HIVEP3: variants seen among roughly 807,000 people sequenced by gnomAD.
HIVEP3 encodes the protein HIVEP zinc finger 3.
HIVEP3 carries 49 observed loss-of-function variants against 152.8 expected under a neutral mutation model. That is an observed-to-expected ratio of 0.32 (90% CI 0.26 to 0.41). HIVEP3 has a LOEUF of 0.41. Ranked by LOEUF, HIVEP3 falls within the 10% of genes least tolerant of loss-of-function variation. The pLI is 1.00. For synonymous variants in HIVEP3, 1,269 were observed against 1,289.0 expected, an observed-to-expected ratio of 0.98 and a Z score of 0.33; for missense variants, 2,790 against 3,103.3, an observed-to-expected ratio of 0.90 and a Z score of 2.40.
At chr1:41,593,547 T>C (rs975078393) in intron 3 of HIVEP3, among the ~76,000 whole-genome samples, 1 of 152,208 alleles carries the variant, frequency 6.6e-6, no homozygotes, top group Non-Finnish European at 1.5e-5. Flanking sequence ...GAATACTTGA[T>C]TAAAGGGGAT....
chr1:41,689,524 C>T (rs1646164013), intron 2 of HIVEP3, among the ~76,000 whole-genome samples: 1 of 152,124 alleles, frequency 6.6e-6, no homozygotes, highest in Non-Finnish European at 1.5e-5. Context: ...GAGAGAGTCC[C>T]TGGGAGGAAA....
At chr1:41,639,240 G>T (rs984553450) in intron 2 of HIVEP3, among the ~76,000 whole-genome samples, 1 of 152,216 alleles carries the variant, frequency 6.6e-6, no homozygotes, top group African/African-American at 2.4e-5. Context: ...AATAATCCTG[G>T]TGGTTCATGC....
intron 2 of HIVEP3, among the ~76,000 whole-genome samples, chr1:41,676,752 C>A (rs1433432986): frequency 1.3e-5 from 2 of 152,200 alleles, no homozygotes; most frequent in Non-Finnish European, 2.9e-5. Context: ...AGGAGGCCAC[C>A]ATCCTGGCCA....
intron 1 of HIVEP3, among the ~76,000 whole-genome samples, chr1:42,023,100 G>A (rs777000998): frequency 1.3e-4 from 20 of 152,078 alleles, no homozygotes; most frequent in African/African-American, 2.7e-4. Flanking sequence ...TCCACCTCCC[G>A]GGTTCAAGTG....
chr1:41,888,280 C>G (rs1219654845), intron 1 of HIVEP3, among the ~76,000 whole-genome samples: 4 of 145,924 alleles, frequency 2.7e-5, no homozygotes, highest in Non-Finnish European at 6.0e-5. Flanking sequence ...TCTCAATCTC[C>G]TGACTTCGTA....
chr1:41,982,140 G>T (rs559831100), intron 1 of HIVEP3, among the ~76,000 whole-genome samples: 52 of 152,250 alleles, frequency 3.4e-4, no homozygotes, highest in Middle Eastern at 3.4e-3. Flanking sequence ...TGTTTGCTTG[G>T]TTTTAATTAA....
intron 1 of HIVEP3, among the ~76,000 whole-genome samples, chr1:41,888,677 T>C (rs1028710709): frequency 6.7e-6 from 1 of 150,206 alleles, no homozygotes; most frequent in Non-Finnish European, 1.5e-5. Flanking sequence ...ACATACCTCA[T>C]GTACCCCCCA....
intron 1 of HIVEP3, among the ~76,000 whole-genome samples, chr1:41,734,409 G>A (rs896401806): frequency 6.6e-6 from 1 of 152,194 alleles, no homozygotes; most frequent in Non-Finnish European, 1.5e-5. Flanking sequence ...TACATTCAGT[G>A]ACTGGACTAA....
rs72509109 is a variant in HIVEP3, at chr1:41,562,601, TTCTCTCTCTCTCTC to T, written c.5207+12929_5207+12942del. Among the ~76,000 whole-genome samples, 4 of 126,254 alleles carry T rather than the reference TTCTCTCTCTCTCTC, an allele frequency of 3.2e-5. No individual in the cohort carries two copies. In the South Asian group the frequency reaches 1.1e-3, roughly 36 times the overall value. 82.8% of individuals were successfully genotyped at this position (126,254 alleles called of 152,430 possible). A position where few individuals can be genotyped will look rare whatever the true frequency, so the allele number is the denominator to read the frequency against. ...TTCCTTCCTTCCTTCCTTCCTTTCT[TTCTCTCTCTCTCTC>T]TCTCTCTCTCTCTCTCTCCCTCTCT... On this transcript the variant is annotated intron_variant, in intron 5 of 8. Transcript: ENST00000372583.
chr1:41,842,026 G>A (rs1482641142), intron 1 of HIVEP3, among the ~76,000 whole-genome samples: 2 of 152,064 alleles, frequency 1.3e-5, no homozygotes, highest in Non-Finnish European at 2.9e-5. Context: ...CCAAGAGGTG[G>A]AGGTTGCAGT....
Position 41,918,107 on chromosome 1 carries a change from C to CCCGCCGCCGCCG in HIVEP3, c.-801+294_-801+305dup, listed in dbSNP as rs61551837. On this transcript the variant is annotated intron_variant, in intron 1 of 8. Coordinates refer to ENST00000372583, the MANE Select transcript of HIVEP3 (RefSeq NM_024503.5). This position sits in a 1 kb window ranked among gnomAD's most constrained non-coding sequence, Gnocchi z 4.3. ...CGCACGGCGCGCATAGGGTTACAGC[C>CCCGCCGCCGCCG]CCGCCGCCGCCGCCGCCGCCGCCGC... 1.5e-4 allele frequency among the ~76,000 whole-genome samples: 22 copies of CCCGCCGCCGCCG among 151,714 alleles called. No individual in the cohort carries two copies. Among genetic ancestry groups the CCCGCCGCCGCCG allele is most frequent in the Admixed American group, 7.2e-4 (11 of 15,244 alleles).
intron 1 of HIVEP3, among the ~76,000 whole-genome samples, chr1:41,959,072 G>A (rs1368803140): frequency 6.6e-6 from 1 of 152,172 alleles, no homozygotes; most frequent in Admixed American, 6.5e-5. Flanking sequence ...CTCATGAATG[G>A]AGCAGCCATG....
chr1:41,803,805 G>A (rs1006817233), intron 1 of HIVEP3, among the ~76,000 whole-genome samples: 2 of 152,212 alleles, frequency 1.3e-5, no homozygotes, highest in African/African-American at 2.4e-5. Context: ...CTTGTTGAGG[G>A]ATCACGGGGA....
chr1:41,544,625 C>A (rs1357995101), intron 5 of HIVEP3, among the ~76,000 whole-genome samples: 1 of 148,410 alleles, frequency 6.7e-6, no homozygotes. Flanking sequence ...CCACCACTAT[C>A]ATCGCTACTA....
chr1:41,580,857 ATGG>A lies in HIVEP3; in HGVS notation c.3938_3940del (p.Thr1313del), dbSNP rs1644393361. The A allele has an allele frequency of 1.2e-6, 2 of 1,601,188 alleles. No homozygotes were observed. Among genetic ancestry groups the A allele is most frequent in the Non-Finnish European group, 1.7e-6 (2 of 1,174,136 alleles). On this transcript the variant is annotated inframe_deletion, in exon 4 of 9. Transcript: ENST00000372583. ...ACGGACAGGCACAACCAGGGACACC[ATGG>A]TGTCTGGACAGGCAGGCAGGGCCAG... is the stretch of plus-strand genomic sequence containing the variant.
chr1:41,958,810 C>G (rs1012954477), intron 1 of HIVEP3, among the ~76,000 whole-genome samples: 1 of 152,184 alleles, frequency 6.6e-6, no homozygotes, highest in Admixed American at 6.5e-5. Context: ...TATACAGACT[C>G]ATGGACAGTC....
chr1:41,560,125 T>C (rs1272465760), intron 5 of HIVEP3, among the ~76,000 whole-genome samples: 3 of 152,184 alleles, frequency 2.0e-5, no homozygotes, highest in African/African-American at 7.2e-5. Context: ...GAAGTAAATA[T>C]TGATAATTCA....
chr1:41,670,102 C>T (rs1361032204), intron 2 of HIVEP3, among the ~76,000 whole-genome samples: 1 of 152,192 alleles, frequency 6.6e-6, no homozygotes, highest in Non-Finnish European at 1.5e-5. Flanking sequence ...ACTCCTAGCA[C>T]TCAATATGGG....
chr1:41,753,403 G>A (rs1647196357), intron 1 of HIVEP3, among the ~76,000 whole-genome samples: 1 of 152,200 alleles, frequency 6.6e-6, no homozygotes, highest in Admixed American at 6.5e-5. Flanking sequence ...GCTCACGCCT[G>A]TAATCCCAGC....
Sources: allele counts gnomAD v4.1 joint callset (sites outside exome capture counted in the v4.1 genomes callset), GRCh38; gene constraint gnomAD v4.1.1; non-coding constraint Gnocchi (gnomAD v3.1); transcripts MANE v1.5; gene names NCBI Gene and HGNC (gene_info 2026-07-23, HGNC 2026-07-21).